Variants in TNS3 observed in about 807,000 individuals in gnomAD.
TNS3 encodes the protein tensin 3.
TNS3 carries 45 observed loss-of-function variants against 140.9 expected under a neutral mutation model. The observed-to-expected ratio is 0.32, with a 90% CI of 0.25 to 0.41. The LOEUF (loss-of-function observed/expected upper bound fraction) is 0.41, where lower values mean the gene tolerates loss of function less well. Among genes scored for constraint, TNS3 ranks in the 10% least tolerant of loss-of-function variants. The pLI is 1.00. For missense variants in TNS3, 1,716 were observed against 1,906.7 expected (o/e 0.90, Z 1.86); for synonymous variants, 815 against 788.4 (o/e 1.03, Z -0.56).
At chr7:47,511,566 G>A (rs6978222) in intron 2 of TNS3, among the ~76,000 whole-genome samples, 35,443 of 144,782 alleles carry the variant, frequency 0.24, 4,377 homozygotes, top group East Asian at 0.41. Context: ...AGCCCTTTAG[G>A]GTCTTCTAGG....
At position 47,293,811 on chromosome 7, in the gene TNS3, C is replaced by T; in HGVS notation, c.3694G>A (p.Glu1232Lys). 6.2e-7 allele frequency: 1 copy of T among 1,614,190 alleles called. No individual in the cohort carries two copies. Among genetic ancestry groups the T allele is most frequent in the Non-Finnish European group, 8.5e-7 (1 of 1,180,016 alleles). The stretch of plus-strand genomic sequence containing the variant: ...TCGATCAAAAAGTGCCGGACGAGTT[C>T]ATTGGCCAAATCTCCAGCTGTGGCA... ...LNKKAGDLAN[E>K]LVRHFLIECT... is the part of the protein sequence containing the mutation. The change falls in exon 25 of 31, where the codon GAA becomes AAA. Residue 1232 changes from glutamate (E) to lysine (K), a missense_variant. Coordinates refer to ENST00000311160, the MANE Select transcript of TNS3 (RefSeq NM_022748.12).
chr7:47,572,195 C>A (rs1458732555), intron 1 of TNS3, among the ~76,000 whole-genome samples: 2 of 152,182 alleles, frequency 1.3e-5, no homozygotes. Flanking sequence ...GCCCGGCAGC[C>A]GAGGGACCAT....
Position 47,346,209 on chromosome 7 carries a change from G to A in TNS3, c.2429C>T (p.Pro810Leu), listed in dbSNP as rs756325648. Residue 810 changes from proline to leucine, a missense_variant, in exon 18 of 31, where the codon CCC becomes CTC. Physicochemically the swap from Pro to Leu is moderately conservative, Grantham distance 98 (BLOSUM62 -3). Around this residue, in one of 3 missense-constraint regions of TNS3, gnomAD observed 1,163 missense variants for 1,182.1 expected, o/e 0.98. Coordinates refer to ENST00000311160, the MANE Select transcript of TNS3 (RefSeq NM_022748.12). Reference protein sequence around the residue: ...VDYAPNLPPFPSPADVKETMT... With the variant: ...VDYAPNLPPFLSPADVKETMT... ...TACCTCTTTGACGTCCGCTGGTGAG[G>A]GGAATGGCGGCAGGTTTGGGGCATA... 6.2e-7 allele frequency: 1 copy of A among 1,614,202 alleles called. No individual in the cohort carries two copies. The highest frequency in any genetic ancestry group is 8.5e-7 in the Non-Finnish European group (1 of 1,180,020).
chr7:47,571,207 G>C (rs1396642510), intron 1 of TNS3, among the ~76,000 whole-genome samples: 1 of 152,246 alleles, frequency 6.6e-6, no homozygotes, highest in Non-Finnish European at 1.5e-5. Context: ...GTTTCCACTG[G>C]AAAGAACCTC....
rs141643801 is a variant in TNS3, at chr7:47,323,104, G to A, written c.2651-18101C>T. 9.8e-4 allele frequency among the ~76,000 whole-genome samples: 149 copies of A among 152,288 alleles called. No individual in the cohort carries two copies. The East Asian group carries it at 0.02, about 21-fold the overall frequency. On this transcript the variant is annotated intron_variant, in intron 20 of 30. Transcript: ENST00000311160. Reference sequence around the variant, plus strand: ...TCTAGGGCTGGAGGTACCGCTCCTCGAGGCCTCATGTGCCCAGTCCCCAGT... The same window carrying A: ...TCTAGGGCTGGAGGTACCGCTCCTCAAGGCCTCATGTGCCCAGTCCCCAGT...
At chr7:47,428,476 C>T in intron 8 of TNS3, 100 bp from the exon 9 acceptor site, 10 of 887,522 alleles carry the variant, frequency 1.1e-5, no homozygotes, top group Non-Finnish European at 1.6e-5. Flanking sequence ...CAATAGAGAG[C>T]CTGCTTTGGT....
At chr7:47,327,181 G>T (rs1338545888) in intron 20 of TNS3, among the ~76,000 whole-genome samples, 1 of 152,242 alleles carries the variant, frequency 6.6e-6, no homozygotes, top group Non-Finnish European at 1.5e-5. Flanking sequence ...ATTTGGGAGG[G>T]AAGGGACAGT....
Position 47,368,455 on chromosome 7 carries a change from C to A in TNS3, c.2191G>T (p.Val731Leu). The change falls in exon 17 of 31, where the codon GTG becomes TTG. Residue 731 changes from valine to leucine, a missense_variant. Around this residue, in one of 3 missense-constraint regions of TNS3, gnomAD observed 1,163 missense variants for 1,182.1 expected, o/e 0.98. Coordinates refer to ENST00000311160, the MANE Select transcript of TNS3 (RefSeq NM_022748.12). ...CCACCTCCCACGCTGTCTGGAGACA[C>A]AGAGCCATTGGCCTGGCTACCGAGG... ...NALGSQANGS[V>L]SPDSVGGGLR... 1 of 1,580,196 alleles carries A rather than the reference C, an allele frequency of 6.3e-7. No homozygotes were observed. Among genetic ancestry groups the A allele is most frequent in the Non-Finnish European group, 8.6e-7 (1 of 1,157,208 alleles).
At chr7:47,575,469 C>T (rs188574679) in intron 1 of TNS3, among the ~76,000 whole-genome samples, 1 of 152,218 alleles carries the variant, frequency 6.6e-6, no homozygotes, top group East Asian at 1.9e-4. Context: ...CTACAATGAG[C>T]ACATATTACA....
chr7:47,353,212 C>T (rs1789787193), intron 17 of TNS3, among the ~76,000 whole-genome samples: 1 of 152,194 alleles, frequency 6.6e-6, no homozygotes, highest in Non-Finnish European at 1.5e-5. Context: ...AGGATCAGGT[C>T]TTATTCAGCT....
At chr7:47,291,162 G>A (rs1785676171) in intron 27 of TNS3, among the ~76,000 whole-genome samples, 1 of 152,198 alleles carries the variant, frequency 6.6e-6, no homozygotes, top group African/African-American at 2.4e-5. Context: ...ATGAGTGGTT[G>A]CTTGGGGTTG....
At chr7:47,520,597 G>A (rs536928454) in intron 2 of TNS3, among the ~76,000 whole-genome samples, 8 of 152,310 alleles carry the variant, frequency 5.3e-5, no homozygotes, top group African/African-American at 9.6e-5. Flanking sequence ...CAAAATCCAC[G>A]AGTAAAGTCC....
At chr7:47,282,284 C>T (rs572379415) in intron 28 of TNS3, among the ~76,000 whole-genome samples, 1 of 151,464 alleles carries the variant, frequency 6.6e-6, no homozygotes, top group Admixed American at 6.6e-5. Context: ...GCAGCTGAGC[C>T]ATGCCCCTGA....
intron 20 of TNS3, among the ~76,000 whole-genome samples, chr7:47,334,605 C>CTTTTTTTTTTTTTTTTTTTTTTTTTTTTT (rs386410072): frequency 8.4e-6 from 1 of 118,772 alleles, no homozygotes; most frequent in Non-Finnish European, 1.7e-5. Flanking sequence ...AACCACGACT[C>CTTTTTTTTTTTTTTTTTTTTTTTTTTTTT]TTTTTTTTTT....
At chr7:47,444,370 G>A (rs188918621) in intron 4 of TNS3, among the ~76,000 whole-genome samples, 10 of 152,198 alleles carry the variant, frequency 6.6e-5, no homozygotes, top group South Asian at 4.1e-4. Context: ...CCTATGTCAC[G>A]CTTATCATTT....
intron 8 of TNS3, among the ~76,000 whole-genome samples, chr7:47,428,936 CCA>C (rs1794795966): frequency 6.6e-6 from 1 of 152,194 alleles, no homozygotes; most frequent in Non-Finnish European, 1.5e-5. Flanking sequence ...CAAACCATAA[CCA>C]CAGACACCAA....
intron 16 of TNS3, among the ~76,000 whole-genome samples, chr7:47,387,357 G>A (rs1792134673): frequency 6.6e-6 from 1 of 152,204 alleles, no homozygotes; most frequent in Admixed American, 6.5e-5. Context: ...GAAAGCTGTT[G>A]ACCCCAAGAG....
chr7:47,565,307 C>T (rs1355031552), intron 1 of TNS3, among the ~76,000 whole-genome samples: 1 of 151,440 alleles, frequency 6.6e-6, no homozygotes, highest in Non-Finnish European at 1.5e-5. Context: ...GATCTCCTGA[C>T]CTCGTGATCC....
chr7:47,410,543 GTC>G (rs1793710416), intron 13 of TNS3, among the ~76,000 whole-genome samples: 1 of 152,196 alleles, frequency 6.6e-6, no homozygotes, highest in Admixed American at 6.5e-5. Flanking sequence ...GGTTTAGACT[GTC>G]TCCACCTTCA....
Sources: allele counts gnomAD v4.1 joint callset (sites outside exome capture counted in the v4.1 genomes callset), GRCh38; gene constraint gnomAD v4.1.1; regional missense constraint gnomAD v4.1.1; transcripts MANE v1.5; gene names NCBI Gene and HGNC (gene_info 2026-07-23, HGNC 2026-07-21).